Variants in NRXN3 observed in about 807,000 individuals in gnomAD.
NRXN3 encodes the protein neurexin 3.
A neutral mutation model predicts 137.6 loss-of-function variants in NRXN3; 32 were observed. That is an observed-to-expected ratio of 0.23 (90% CI 0.18 to 0.31). The LOEUF is 0.31. Ranked by LOEUF, NRXN3 falls within the 10% of genes least tolerant of loss-of-function variation. NRXN3 has a pLI of 1.00. For missense variants in NRXN3, 1,574 were observed against 2,062.5 expected, an observed-to-expected ratio of 0.76 and a Z score of 4.59; for synonymous variants, 798 against 784.5, an observed-to-expected ratio of 1.02 and a Z score of -0.29.
intron 8 of NRXN3, among the ~76,000 whole-genome samples, chr14:78,766,254 A>T (rs2152987410): frequency 6.6e-6 from 1 of 152,342 alleles, no homozygotes; most frequent in South Asian, 2.1e-4. Flanking sequence ...AAGAACTAGC[A>T]GTGGGAAGGG....
At chr14:78,748,171 CAGACAGAACCCCT>C (rs1205619944) in intron 8 of NRXN3, among the ~76,000 whole-genome samples, 1 of 152,088 alleles carries the variant, frequency 6.6e-6, no homozygotes, top group East Asian at 1.9e-4. Context: ...ATAACTGAAT[CAGACAGAACCCCT>C]TTCTTTACAG....
At chr14:78,396,424 G>A (rs1462471538) in intron 4 of NRXN3, among the ~76,000 whole-genome samples, 2 of 152,150 alleles carry the variant, frequency 1.3e-5, no homozygotes, top group South Asian at 2.1e-4. Flanking sequence ...TTTGCTTACT[G>A]TGTTGTTCTT....
intron 8 of NRXN3, among the ~76,000 whole-genome samples, chr14:78,791,991 G>T (rs1281696122): frequency 6.6e-6 from 1 of 152,002 alleles, no homozygotes; most frequent in South Asian, 2.1e-4. Flanking sequence ...ATGCCTGAGT[G>T]TAAGCAAGGT....
At chr14:79,822,610 T>C (rs767356782) in intron 20 of NRXN3, among the ~76,000 whole-genome samples, 5 of 152,084 alleles carry the variant, frequency 3.3e-5, no homozygotes, top group Non-Finnish European at 7.4e-5. Context: ...CCACATTAGA[T>C]TGAGTAGATT....
At chr14:78,465,824 C>T (rs78590761) in intron 4 of NRXN3, among the ~76,000 whole-genome samples, 3,295 of 151,016 alleles carry the variant, frequency 0.022, 113 homozygotes, top group African/African-American at 0.072. Context: ...TGAGCCACCG[C>T]GCCCGGCCTA....
At chr14:78,852,878 CT>C (rs201617179) in intron 10 of NRXN3, among the ~76,000 whole-genome samples, 12,400 of 142,206 alleles carry the variant, frequency 0.087, 555 homozygotes, top group African/African-American at 0.11. Context: ...TGGTTAGTTT[CT>C]TTTTTTTTTT....
chr14:78,954,125 A>G (rs1186161630), intron 10 of NRXN3, among the ~76,000 whole-genome samples: 1 of 152,018 alleles, frequency 6.6e-6, no homozygotes, highest in African/African-American at 2.4e-5. Context: ...TTACTTATCA[A>G]TTCACTTTTA....
intron 15 of NRXN3, among the ~76,000 whole-genome samples, chr14:79,422,880 A>C (rs1000717176): frequency 2.6e-5 from 4 of 151,742 alleles, no homozygotes; most frequent in Non-Finnish European, 5.9e-5. Context: ...TTGTATTTTT[A>C]GTAGAGACGG....
chr14:79,757,378 G>A (rs7155520), intron 19 of NRXN3, among the ~76,000 whole-genome samples: 1 of 151,856 alleles, frequency 6.6e-6, no homozygotes, highest in Admixed American at 6.6e-5. Flanking sequence ...TGATGGTCCC[G>A]TCTTGCAGAA....
Position 79,332,820 on chromosome 14 carries a change from T to C in NRXN3, c.3263-134401T>C, listed in dbSNP as rs74727579. ...GTCTGGAACATAGGGTTCCACTACATGCACTACACATTTGTTGACTAGAAA... is the reference window on the plus strand; with the variant it reads ...GTCTGGAACATAGGGTTCCACTACACGCACTACACATTTGTTGACTAGAAA... On this transcript the variant is annotated intron_variant, in intron 15 of 20. Coordinates refer to ENST00000335750, the MANE Select transcript of NRXN3 (RefSeq NM_001330195.2). 3.5e-3 allele frequency among the ~76,000 whole-genome samples: 534 copies of C among 152,304 alleles called. 2 individuals carry two copies. The highest frequency in any genetic ancestry group is 0.012 in the African/African-American group (493 of 41,582).
chr14:79,034,224 T>A (rs1344136886), intron 15 of NRXN3, among the ~76,000 whole-genome samples: 1 of 152,056 alleles, frequency 6.6e-6, no homozygotes, highest in African/African-American at 2.4e-5. Context: ...TTTAAGATTC[T>A]ACCCTGAGTA....
intron 19 of NRXN3, among the ~76,000 whole-genome samples, chr14:79,791,541 T>C (rs1374328210): frequency 7.5e-6 from 1 of 133,034 alleles, no homozygotes; most frequent in Non-Finnish European, 1.7e-5. Context: ...ATAATTATAA[T>C]TAATTATATA....
At chr14:79,578,816 G>T (rs1156274806) in intron 16 of NRXN3, among the ~76,000 whole-genome samples, 2 of 151,980 alleles carry the variant, frequency 1.3e-5, no homozygotes, top group African/African-American at 4.8e-5. Flanking sequence ...AGTCAGGGTG[G>T]GTGTGTTTAC....
intron 15 of NRXN3, chr14:79,072,422 C>G (rs114304966): frequency 6.6e-6 from 1 of 152,084 alleles, no homozygotes; most frequent in Non-Finnish European, 1.5e-5. Context: ...TGCTGACTTC[C>G]GATACTGCTT....
intron 8 of NRXN3, among the ~76,000 whole-genome samples, chr14:78,803,092 A>G (rs2098844389): frequency 6.6e-6 from 1 of 152,178 alleles, no homozygotes; most frequent in South Asian, 2.1e-4. Flanking sequence ...AACTCTCACA[A>G]TGGCTGGACA....
chr14:79,295,708 C>T (rs2083969525), intron 15 of NRXN3, among the ~76,000 whole-genome samples: 1 of 152,128 alleles, frequency 6.6e-6, no homozygotes. Context: ...CCTCAATACT[C>T]AGTAGGCCCT....
At chr14:78,330,563 T>G (rs1396637766) in intron 4 of NRXN3, among the ~76,000 whole-genome samples, 2 of 152,136 alleles carry the variant, frequency 1.3e-5, no homozygotes, top group African/African-American at 4.8e-5. Context: ...AATCTAAAAC[T>G]CAGGTTTTAA....
At chr14:79,854,118 A>C in intron 20 of NRXN3, 4 of 981,202 alleles carry the variant, frequency 4.1e-6, no homozygotes, top group Non-Finnish European at 4.8e-6. Flanking sequence ...AAAGCAAGTT[A>C]CAAGAATGTG....
intron 6 of NRXN3, among the ~76,000 whole-genome samples, chr14:78,683,507 G>A (rs954982552): frequency 2.6e-5 from 4 of 152,266 alleles, no homozygotes; most frequent in East Asian, 3.9e-4. Flanking sequence ...ATCCTATTCC[G>A]CTACAGAGTG....
Sources: allele counts gnomAD v4.1 joint callset (sites outside exome capture counted in the v4.1 genomes callset), GRCh38; gene constraint gnomAD v4.1.1; transcripts MANE v1.5; gene names NCBI Gene and HGNC (gene_info 2026-07-23, HGNC 2026-07-21).